STXBP4: variants seen among roughly 807,000 people sequenced by gnomAD.
The protein encoded by STXBP4 is syntaxin binding protein 4, also known as syntaxin-binding protein 4.
A neutral mutation model predicts 76.1 loss-of-function variants in STXBP4; 55 were observed. The ratio of observed to expected loss-of-function variants is 0.72; its 90% CI spans 0.58 to 0.91. The LOEUF is 0.91. STXBP4 is among the 40% of genes least tolerant of loss of function. The pLI, the probability that STXBP4 is intolerant of heterozygous loss-of-function variation, is 0.00. For missense variants in STXBP4, 618 were observed against 636.9 expected (o/e 0.97, Z 0.32); for synonymous variants, 201 against 220.2 (o/e 0.91, Z 0.77).
intron 8 of STXBP4, among the ~76,000 whole-genome samples, chr17:55,023,482 T>C (rs1379773894): frequency 6.6e-6 from 1 of 152,110 alleles, no homozygotes; most frequent in Non-Finnish European, 1.5e-5. Flanking sequence ...TAAAACAAAG[T>C]TCATTATACA....
intron 7 of STXBP4, among the ~76,000 whole-genome samples, chr17:55,007,119 C>T (rs1284050872): frequency 6.6e-6 from 1 of 152,018 alleles, no homozygotes; most frequent in South Asian, 2.1e-4. Context: ...AGGCAGATCA[C>T]CTGAGGTCAG....
At chr17:55,075,405 A>T (rs183330759) in intron 13 of STXBP4, among the ~76,000 whole-genome samples, 8 of 152,194 alleles carry the variant, frequency 5.3e-5, no homozygotes, top group Non-Finnish European at 1.2e-4. Context: ...TATTGTGTGG[A>T]TATACTACGT....
At chr17:55,065,583 C>T (rs2079041556) in intron 12 of STXBP4, among the ~76,000 whole-genome samples, 1 of 151,280 alleles carries the variant, frequency 6.6e-6, no homozygotes, top group African/African-American at 2.4e-5. Flanking sequence ...ATAAATTTTC[C>T]CTTTTGTGTA....
chr17:55,208,589 G>GGAAGGAAGGAAGGAAGGAAGGAAGGAAT, the STXBP4 span, among the ~76,000 whole-genome samples: 1 of 147,222 alleles, frequency 6.8e-6, no homozygotes, highest in Non-Finnish European at 1.5e-5. Context: ...AAGGAAGGAA[G>GGAAGGAAGGAAGGAAGGAAGGAAGGAAT]GAAGGAAGGA....
intron 7 of STXBP4, among the ~76,000 whole-genome samples, chr17:55,004,017 G>GA (rs879636295): frequency 3.8e-4 from 54 of 142,598 alleles, no homozygotes; most frequent in South Asian, 6.7e-4. Context: ...ACTAAAAATA[G>GA]AAAAAAAAAA....
At chr17:55,111,810 C>A (rs531081753) in intron 16 of STXBP4, among the ~76,000 whole-genome samples, 27 of 152,278 alleles carry the variant, frequency 1.8e-4, no homozygotes, top group African/African-American at 6.5e-4. Context: ...TATAGCAACA[C>A]AAGAATAGCC....
At chr17:55,063,397 C>G (rs947989150) in intron 12 of STXBP4, among the ~76,000 whole-genome samples, 1 of 152,158 alleles carries the variant, frequency 6.6e-6, no homozygotes, top group Non-Finnish European at 1.5e-5. Context: ...TAGGAACCTT[C>G]CAGTTCATTT....
intron 8 of STXBP4, among the ~76,000 whole-genome samples, chr17:55,028,063 A>C (rs11869287): frequency 0.018 from 2,714 of 152,244 alleles, 76 homozygotes; most frequent in African/African-American, 0.061. Context: ...CAAAAACTGA[A>C]GTAAATATAG....
At chr17:55,065,886 T>TA (rs890204780) in intron 12 of STXBP4, among the ~76,000 whole-genome samples, 8 of 152,258 alleles carry the variant, frequency 5.3e-5, no homozygotes, top group East Asian at 1.9e-4. Flanking sequence ...CAGCTGCAGG[T>TA]AAAAAAAGTT....
At chr17:55,141,710 A>G (rs1286708000) in intron 17 of STXBP4, among the ~76,000 whole-genome samples, 2 of 152,208 alleles carry the variant, frequency 1.3e-5, no homozygotes, top group African/African-American at 4.8e-5. Flanking sequence ...TATATCTTTG[A>G]AAGTTCTTAA....
At chr17:54,994,714 A>G (rs2077772393) in intron 4 of STXBP4, among the ~76,000 whole-genome samples, 2 of 152,030 alleles carry the variant, frequency 1.3e-5, no homozygotes, top group South Asian at 4.1e-4. Flanking sequence ...GCAAGGTTCC[A>G]TATAGTGTGG....
chr17:55,085,251 T>C (rs917894983), intron 16 of STXBP4, among the ~76,000 whole-genome samples: 23 of 152,100 alleles, frequency 1.5e-4, no homozygotes, highest in South Asian at 8.3e-4. Context: ...GAGATATACC[T>C]AATGCTAGAT....
At chr17:54,976,014 GT>G (rs2077468361) in intron 1 of STXBP4, among the ~76,000 whole-genome samples, 2 of 151,602 alleles carry the variant, frequency 1.3e-5, no homozygotes, top group Non-Finnish European at 2.9e-5. Flanking sequence ...TTTTTTTATT[GT>G]TTTTCTCCCA....
intron 12 of STXBP4, 34 bp downstream of exon 12, chr17:55,047,188 G>T (rs755757464): frequency 1.1e-5 from 5 of 444,782 alleles, no homozygotes; most frequent in Non-Finnish European, 1.7e-5. Flanking sequence ...ATGTGCTCGT[G>T]TGTGTGTGTG....
chr17:55,071,412 C>T (rs943361702), intron 12 of STXBP4, among the ~76,000 whole-genome samples: 1 of 152,160 alleles, frequency 6.6e-6, no homozygotes, highest in African/African-American at 2.4e-5. Context: ...CCTTGCTGTT[C>T]TCTGAAAGAC....
chr17:55,050,854 G>T, intron 12 of STXBP4, among the ~76,000 whole-genome samples: 1 of 152,024 alleles, frequency 6.6e-6, no homozygotes, highest in Non-Finnish European at 1.5e-5. Flanking sequence ...TTTTAGTAGA[G>T]ATGCAGTTTT....
At chr17:55,209,308 C>T in the STXBP4 span, among the ~76,000 whole-genome samples, 1 of 152,080 alleles carries the variant, frequency 6.6e-6, no homozygotes, top group Non-Finnish European at 1.5e-5. Flanking sequence ...GGGAAGGAAA[C>T]GAGCTGGGAG....
chr17:55,208,818 AC>A, the STXBP4 span, among the ~76,000 whole-genome samples: 1 of 152,188 alleles, frequency 6.6e-6, no homozygotes, highest in East Asian at 1.9e-4. Context: ...ACGGTGACTT[AC>A]GCCTGTAATT....
chr17:55,007,347 A>G (rs1246509327), intron 7 of STXBP4, among the ~76,000 whole-genome samples, 159 bp from the exon 8 acceptor site: 2 of 152,078 alleles, frequency 1.3e-5, no homozygotes, highest in African/African-American at 4.8e-5. Context: ...TCCAAAAAAA[A>G]AAAAGAAAAG....
Sources: gnomAD v4.1 joint callset for allele counts (sites outside exome capture counted in the v4.1 genomes callset) on GRCh38, gnomAD v4.1.1 for gene constraint, MANE v1.5 for transcripts, NCBI Gene and HGNC (gene_info 2026-07-23, HGNC 2026-07-21) for gene names.